Variants in ARHGEF18 observed in about 807,000 individuals in gnomAD.
ARHGEF18 encodes Rho/Rac guanine nucleotide exchange factor 18.
In ARHGEF18, 93 loss-of-function variants were observed where a neutral mutation model predicts 155.7. The observed-to-expected ratio is 0.60, with a 90% confidence interval of 0.50 to 0.71. The LOEUF (loss-of-function observed/expected upper bound fraction) is 0.71, where lower values mean the gene tolerates loss of function less well. Ranked by LOEUF, ARHGEF18 falls within the 30% of genes least tolerant of loss-of-function variation. ARHGEF18 has a pLI of 0.00. For missense variants in ARHGEF18, 1,593 were observed against 1,816.1 expected (o/e 0.88, Z 2.23); for synonymous variants, 742 against 753.1 (o/e 0.99, Z 0.24).
chr19:7,407,540 C>T (rs189944104), intron 10 of ARHGEF18, among the ~76,000 whole-genome samples: 3 of 152,220 alleles, frequency 2.0e-5, no homozygotes, highest in African/African-American at 7.2e-5. Context: ...AGCGAATCCA[C>T]TTTGCCACTC....
intron 13 of ARHGEF18, among the ~76,000 whole-genome samples, chr19:7,442,677 G>A (rs2145786023): frequency 6.6e-6 from 1 of 152,284 alleles, no homozygotes; most frequent in East Asian, 1.9e-4. Context: ...TTCCCTTGTT[G>A]GTGGCTGTCT....
intron 3 of ARHGEF18, among the ~76,000 whole-genome samples, chr19:7,375,357 G>A (rs1378465946): frequency 6.6e-5 from 7 of 105,322 alleles, no homozygotes; most frequent in Non-Finnish European, 1.2e-4. Flanking sequence ...AGAAAGAAAA[G>A]GAAGGAAGGA....
intron 10 of ARHGEF18, among the ~76,000 whole-genome samples, chr19:7,397,923 G>A (rs1971815728): frequency 6.6e-6 from 1 of 151,992 alleles, no homozygotes; most frequent in Non-Finnish European, 1.5e-5. Context: ...TTTATCATGT[G>A]CAACGTGACA....
At position 7,472,070 on chromosome 19, in the gene ARHGEF18, TCC is replaced by T. The variant is rs1311326256; in HGVS notation, c.*1773_*1774del. On this transcript the variant is annotated 3_prime_UTR_variant, in exon 29 of 29. Coordinates refer to ENST00000668164, the MANE Select transcript of ARHGEF18 (RefSeq NM_001367823.1). Reference sequence around the variant, plus strand: ...AGAACATTCCCAGACCCTGGCACCCTCCTGAGCCGGCGTGTGCCGGTCCAGCC... The same window carrying T: ...AGAACATTCCCAGACCCTGGCACCCTTGAGCCGGCGTGTGCCGGTCCAGCC... The T allele has an allele frequency of 2.0e-5, 3 of 152,452 alleles. No individual in the cohort carries two copies. Among genetic ancestry groups the T allele is most frequent in the African/African-American group, 7.2e-5 (3 of 41,462 alleles). The allele number at this position is 152,452 out of a possible 1,614,324, so 9.4% of individuals were successfully genotyped here.
chr19:7,350,612 G>T (rs1969129961), intron 1 of ARHGEF18, among the ~76,000 whole-genome samples: 1 of 152,200 alleles, frequency 6.6e-6, no homozygotes, highest in African/African-American at 2.4e-5. Flanking sequence ...ATATGTTGAT[G>T]CTCGATACTG....
At chr19:7,452,294 A>C (rs919501117) in intron 16 of ARHGEF18, among the ~76,000 whole-genome samples, 1 of 152,210 alleles carries the variant, frequency 6.6e-6, no homozygotes, top group Non-Finnish European at 1.5e-5. Context: ...CGGGCAGTCC[A>C]GCCAGGAGTT....
intron 10 of ARHGEF18, among the ~76,000 whole-genome samples, chr19:7,401,325 G>A (rs779666419): frequency 3.9e-5 from 6 of 152,092 alleles, no homozygotes; most frequent in Admixed American, 6.6e-5. Flanking sequence ...TTGCCCTGTC[G>A]CCCAGGCTGG....
chr19:7,371,150 G>C (rs949591334), intron 2 of ARHGEF18, among the ~76,000 whole-genome samples: 18 of 151,946 alleles, frequency 1.2e-4, no homozygotes, highest in Non-Finnish European at 1.8e-4. Context: ...GGGCTCAAGC[G>C]ATCCTCCCAG....
At chr19:7,478,997 G>A in the ARHGEF18 span, among the ~76,000 whole-genome samples, 1 of 152,224 alleles carries the variant, frequency 6.6e-6, no homozygotes, top group Non-Finnish European at 1.5e-5. Context: ...CCAGGCACCT[G>A]CACTCTCCAG....
intron 10 of ARHGEF18, among the ~76,000 whole-genome samples, chr19:7,431,691 G>A (rs1042111853): frequency 6.6e-6 from 1 of 151,966 alleles, no homozygotes; most frequent in Non-Finnish European, 1.5e-5. Context: ...GCGCATGCCT[G>A]TAATCCCAGC....
intron 23 of ARHGEF18, among the ~76,000 whole-genome samples, chr19:7,465,944 C>T (rs955896109): frequency 2.0e-5 from 3 of 151,428 alleles, no homozygotes; most frequent in Admixed American, 6.6e-5. Flanking sequence ...ATTAGCTGGA[C>T]GTGGTGGTGG....
intron 10 of ARHGEF18, among the ~76,000 whole-genome samples, chr19:7,402,408 G>GCTGTCTCA (rs1972062822): frequency 6.6e-6 from 1 of 152,162 alleles, no homozygotes; most frequent in Non-Finnish European, 1.5e-5. Context: ...AACTGAGCGA[G>GCTGTCTCA]ACTCTGTCTC....
chr19:7,464,594 C>T lies in ARHGEF18; in HGVS notation c.2808C>T (p.Asp936=), dbSNP rs1976500880. ...GSFKKKVSST[D]PRPRDWRGPP... ...TCAAGAAGAAAGTCAGCAGCACTGACCCCAGGCCCCGAGACTGGCGAGGCC... is the reference window on the plus strand; with the variant it reads ...TCAAGAAGAAAGTCAGCAGCACTGATCCCAGGCCCCGAGACTGGCGAGGCC... Residue 936 remains aspartate, a synonymous_variant, in exon 23 of 29, where the codon GAC becomes GAT. Coordinates refer to ENST00000668164, the MANE Select transcript of ARHGEF18 (RefSeq NM_001367823.1). 6.2e-7 allele frequency: 1 copy of T among 1,613,808 alleles called. No individual in the cohort carries two copies. The highest frequency in any genetic ancestry group is 8.5e-7 in the Non-Finnish European group (1 of 1,179,912).
chr19:7,436,479 T>C (rs1974260900), intron 10 of ARHGEF18, among the ~76,000 whole-genome samples: 1 of 152,118 alleles, frequency 6.6e-6, no homozygotes, highest in Admixed American at 6.6e-5. Flanking sequence ...GTTTTCCCCA[T>C]GTTGGCCAGG....
chr19:7,467,324 G>A lies in ARHGEF18; in HGVS notation c.3120G>A (p.Gln1040=), dbSNP rs760423387. ...CGCGTGGGAACCTGCTGCTGGAGCAGGAGCGGCAACGCAACTTCGAGAAGC... is the reference window on the plus strand; with the variant it reads ...CGCGTGGGAACCTGCTGCTGGAGCAAGAGCGGCAACGCAACTTCGAGAAGC... The part of the protein sequence containing the change: ...QSTRGNLLLE[Q]ERQRNFEKQR... Residue 1040 remains glutamine (Q), a synonymous_variant, in exon 26 of 29, where the codon CAG becomes CAA. Transcript: ENST00000668164. 2.7e-5 allele frequency: 42 copies of A among 1,539,128 alleles called. 1 individual carries two copies. The South Asian group carries it at 4.3e-4, about 16-fold the overall frequency.
chr19:7,455,163 T>C (rs573371882), intron 17 of ARHGEF18, among the ~76,000 whole-genome samples: 1 of 152,270 alleles, frequency 6.6e-6, no homozygotes, highest in Non-Finnish European at 1.5e-5. Context: ...TGAGTAGGCG[T>C]GTATTTCGCA....
chr19:7,466,829 T>TAAAAAAAAAAAA (rs369506925), intron 23 of ARHGEF18, 89 bp from the exon 24 acceptor site: 2 of 900,856 alleles, frequency 2.2e-6, no homozygotes, highest in African/African-American at 2.7e-5. Flanking sequence ...AAAAAAAAGT[T>TAAAAAAAAAAAA]AAAAAAAAAG....
chr19:7,414,142 C>T (rs1204249215), intron 10 of ARHGEF18, among the ~76,000 whole-genome samples: 2 of 152,108 alleles, frequency 1.3e-5, no homozygotes, highest in Non-Finnish European at 2.9e-5. Flanking sequence ...TGAGCAGCAT[C>T]CCTGGCCTCC....
At chr19:7,435,521 T>C (rs57291915) in intron 10 of ARHGEF18, among the ~76,000 whole-genome samples, 61,099 of 151,748 alleles carry the variant, frequency 0.4, 12,944 homozygotes, top group East Asian at 0.6. Flanking sequence ...AGGTTCAGGA[T>C]GGGGCCCCGA....
Sources: gnomAD v4.1 joint callset for allele counts (sites outside exome capture counted in the v4.1 genomes callset) on GRCh38, gnomAD v4.1.1 for gene constraint, MANE v1.5 for transcripts, NCBI Gene and HGNC (gene_info 2026-07-23, HGNC 2026-07-21) for gene names.